Variants in GNB4 observed in about 807,000 individuals in gnomAD.
GNB4 encodes guanine nucleotide-binding protein subunit beta-4.
Under a neutral mutation model 45.2 loss-of-function variants are expected in GNB4, and 28 were observed. That is an observed-to-expected ratio of 0.62 (90% CI 0.46 to 0.85). The LOEUF (loss-of-function observed/expected upper bound fraction) is 0.85, where lower values mean the gene tolerates loss of function less well. GNB4 is among the 40% of genes least tolerant of loss of function. The pLI is 0.00. For missense variants in GNB4, 321 were observed against 425.4 expected, an observed-to-expected ratio of 0.75 and a Z score of 2.16; for synonymous variants, 132 against 143.7, an observed-to-expected ratio of 0.92 and a Z score of 0.58.
chr3:179,430,713 T>C (rs1715287205), intron 1 of GNB4, among the ~76,000 whole-genome samples: 1 of 151,354 alleles, frequency 6.6e-6, no homozygotes, highest in Non-Finnish European at 1.5e-5. Flanking sequence ...CACTTTGGCC[T>C]CCCAAAGTGC....
At chr3:179,506,353 A>G in the GNB4 span, among the ~76,000 whole-genome samples, 41 of 152,168 alleles carry the variant, frequency 2.7e-4, no homozygotes, top group Non-Finnish European at 4.7e-4. Context: ...AAAGAAAAGA[A>G]AGGAAAAAAA....
At chr3:179,426,299 G>T in intron 1 of GNB4, 57 bp from the exon 2 acceptor site, 1 of 852,044 alleles carries the variant, frequency 1.2e-6, no homozygotes, top group Non-Finnish European at 1.8e-6. Context: ...ATCTTAATCT[G>T]GTTTTACAAT....
At chr3:179,432,384 C>T (rs1436618622) in intron 1 of GNB4, among the ~76,000 whole-genome samples, 1 of 152,026 alleles carries the variant, frequency 6.6e-6, no homozygotes, top group Non-Finnish European at 1.5e-5. Context: ...GGAGAGAGAA[C>T]ATTCTGATTA....
Position 179,413,529 on chromosome 3 carries a change from A to G in GNB4, c.582T>C (p.Pro194=). ...CACCAGAAACAAAAGTCCTCATGTC[A>G]GGACTCAAAGAAAGACTCATCACAT... ...SGDVMSLSLS[P]DMRTFVSGAC... The change falls in exon 8 of 10, where the codon CCT becomes CCC. Residue 194 remains proline, a synonymous_variant. Transcript: ENST00000232564. 6.2e-7 allele frequency: 1 copy of G among 1,614,192 alleles called. No homozygotes were observed. The highest frequency in any genetic ancestry group is 1.1e-5 in the South Asian group (1 of 91,086).
chr3:179,489,047 A>T, the GNB4 span, among the ~76,000 whole-genome samples: 7 of 20,970 alleles, frequency 3.3e-4, no homozygotes, highest in South Asian at 1.7e-3. Context: ...TATATATATA[A>T]TATATATGTA....
intron 2 of GNB4, among the ~76,000 whole-genome samples, chr3:179,425,629 C>A (rs1715121895): frequency 6.6e-6 from 1 of 152,076 alleles, no homozygotes; most frequent in Non-Finnish European, 1.5e-5. Context: ...CACCACCACG[C>A]CTGGCTAATT....
chr3:179,519,287 A>G, the GNB4 span, among the ~76,000 whole-genome samples: 2 of 152,102 alleles, frequency 1.3e-5, no homozygotes, highest in Non-Finnish European at 2.9e-5. Flanking sequence ...CTCTGGCCCA[A>G]AGCTCTCTGA....
chr3:179,398,498 G>C lies in GNB4; in HGVS notation c.*2715C>G, dbSNP rs532327572. On this transcript the variant is annotated 3_prime_UTR_variant, in exon 10 of 10. Transcript: ENST00000232564. Reference sequence around the variant, plus strand: ...ATCACACCACTGTACACTCCAGCCTGGGTGACAGAGTGAGACTCTGTCTTT... The same window carrying C: ...ATCACACCACTGTACACTCCAGCCTCGGTGACAGAGTGAGACTCTGTCTTT... The C allele has an allele frequency of 6.6e-6, 1 of 151,104 alleles. No individual in the cohort carries two copies. Among genetic ancestry groups the C allele is most frequent in the African/African-American group, 2.5e-5 (1 of 40,728 alleles). 9.4% of individuals were successfully genotyped at this position (151,104 alleles called of 1,614,324 possible).
chr3:179,432,580 A>G (rs1465452859), intron 1 of GNB4, among the ~76,000 whole-genome samples: 2 of 152,222 alleles, frequency 1.3e-5, no homozygotes, highest in African/African-American at 4.8e-5. Context: ...AAGTCCTAGT[A>G]AATATGTTTT....
At chr3:179,513,581 A>G in the GNB4 span, among the ~76,000 whole-genome samples, 5 of 152,082 alleles carry the variant, frequency 3.3e-5, no homozygotes, top group African/African-American at 9.7e-5. Flanking sequence ...ATTTTTTAGG[A>G]TGAGTGCTTC....
upstream of GNB4, chr3:179,451,689 CAGA>C (rs1715886299): frequency 1.3e-5 from 2 of 152,072 alleles, no homozygotes; most frequent in African/African-American, 4.8e-5. Context: ...CGTTTCCTGC[CAGA>C]AGGAGAAGAA....
chr3:179,433,547 G>A (rs760446175), intron 1 of GNB4, among the ~76,000 whole-genome samples: 2 of 151,558 alleles, frequency 1.3e-5, no homozygotes, highest in Non-Finnish European at 2.9e-5. Flanking sequence ...TGAAGCTGCA[G>A]TAAGCTACAA....
chr3:179,527,098 T>C, the GNB4 span, among the ~76,000 whole-genome samples: 1 of 151,962 alleles, frequency 6.6e-6, no homozygotes, highest in Non-Finnish European at 1.5e-5. Context: ...GGAGAGAGTG[T>C]TTATAGTGCA....
intron 1 of GNB4, among the ~76,000 whole-genome samples, chr3:179,434,624 G>C (rs1405198529): frequency 6.6e-6 from 1 of 151,912 alleles, no homozygotes; most frequent in Admixed American, 6.6e-5. Context: ...AGGAGGCTGA[G>C]GCATGAGAAT....
chr3:179,415,636 G>GA (rs1714775897), intron 5 of GNB4, among the ~76,000 whole-genome samples: 1 of 137,086 alleles, frequency 7.3e-6, no homozygotes, highest in Admixed American at 7.3e-5. Context: ...AGGTCAGATG[G>GA]AAAAAAGGTG....
the GNB4 span, among the ~76,000 whole-genome samples, chr3:179,485,258 C>T: frequency 1.3e-5 from 2 of 151,958 alleles, no homozygotes; most frequent in African/African-American, 4.8e-5. Flanking sequence ...GTGATCCGCC[C>T]GCCTCGGCCT....
chr3:179,405,373 A>T lies in GNB4; in HGVS notation c.733T>A (p.Ser245Thr), dbSNP rs1714435843. The T allele has an allele frequency of 1.2e-6, 2 of 1,613,676 alleles. No homozygotes were observed. Among genetic ancestry groups the T allele is most frequent in the African/African-American group, 1.3e-5 (1 of 75,058 alleles). The stretch of plus-strand genomic sequence containing the variant: ...AAGAGCCGGCAAGTGGCATCATCAG[A>T]GCCAGTGGCGAAGGCATATCCATTT... Reference protein sequence around the residue: ...FPNGYAFATGSDDATCRLFDL... With the variant: ...FPNGYAFATGTDDATCRLFDL... Residue 245 changes from serine to threonine, a missense_variant, in exon 9 of 10, where the codon TCT (serine) becomes ACT (threonine). Ser to Thr is a moderately conservative substitution (Grantham distance 58, BLOSUM62 1). Coordinates refer to ENST00000232564, the MANE Select transcript of GNB4 (RefSeq NM_021629.4).
Position 179,413,456 on chromosome 3 carries a change from T to C in GNB4, c.655A>G (p.Arg219Gly). ...GAGACATGTCCCGTGAAAGACTGTC[T>C]ACACATTCCATCTCGAATATCCCAT... ...KLWDIRDGMC[R>G]QSFTGHVSDI... The change falls in exon 8 of 10, where the codon AGA (arginine) becomes GGA (glycine). Residue 219 changes from arginine (R) to glycine (G), a missense_variant. Arg to Gly is a moderately radical substitution (Grantham distance 125, BLOSUM62 -2). Coordinates refer to ENST00000232564, the MANE Select transcript of GNB4 (RefSeq NM_021629.4). The C allele has an allele frequency of 6.2e-7, 1 of 1,614,130 alleles. No homozygotes were observed. Among genetic ancestry groups the C allele is most frequent in the Non-Finnish European group, 8.5e-7 (1 of 1,179,988 alleles).
chr3:179,461,151 A>T, the GNB4 span, among the ~76,000 whole-genome samples: 1 of 152,112 alleles, frequency 6.6e-6, no homozygotes, highest in Non-Finnish European at 1.5e-5. Flanking sequence ...GGCTGTTTCA[A>T]GGGCTTCTTG....
Sources: gnomAD v4.1 joint callset for allele counts (sites outside exome capture counted in the v4.1 genomes callset) on GRCh38, gnomAD v4.1.1 for gene constraint, MANE v1.5 for transcripts, NCBI Gene and HGNC (gene_info 2026-07-23, HGNC 2026-07-21) for gene names.